The following BST1 variants were observed in gnomAD, a reference collection of about 807,000 sequenced individuals.
BST1 encodes ADP-ribosyl cyclase/cyclic ADP-ribose hydrolase 2.
A neutral mutation model predicts 40.6 loss-of-function variants in BST1; 49 were observed. The ratio of observed to expected loss-of-function variants is 1.21; its 90% CI spans 0.96 to 1.53. The LOEUF is 1.53. Ranked by LOEUF, BST1 falls within the 40% of genes most tolerant of loss-of-function variation. BST1 has a pLI of 0.00. For missense variants in BST1, 423 were observed against 395.9 expected (o/e 1.07, Z -0.58); for synonymous variants, 157 against 159.3 (o/e 0.99, Z 0.11).
At chr4:15,712,914 G>T (rs1720297517) in intron 4 of BST1, among the ~76,000 whole-genome samples, 1 of 152,138 alleles carries the variant, frequency 6.6e-6, no homozygotes, top group African/African-American at 2.4e-5. Flanking sequence ...TCTGAAAGTG[G>T]GATCAAACAG....
chr4:15,749,668 A>G, the BST1 span, among the ~76,000 whole-genome samples: 2 of 150,632 alleles, frequency 1.3e-5, no homozygotes, highest in Non-Finnish European at 2.9e-5. Flanking sequence ...ATGACAGCAA[A>G]GAGTACTTTT....
At chr4:15,754,260 A>G in the BST1 span, among the ~76,000 whole-genome samples, 1 of 152,232 alleles carries the variant, frequency 6.6e-6, no homozygotes, top group Non-Finnish European at 1.5e-5. Flanking sequence ...GGTGTTCTGC[A>G]GAACAATAGA....
chr4:15,765,826 C>T, the BST1 span, among the ~76,000 whole-genome samples: 3 of 151,960 alleles, frequency 2.0e-5, no homozygotes, highest in Admixed American at 2.0e-4. Flanking sequence ...CTGTTCCCTG[C>T]TGAGTTTGTT....
chr4:15,734,550 G>T (rs1340750494), downstream of BST1, among the ~76,000 whole-genome samples: 2 of 151,998 alleles, frequency 1.3e-5, no homozygotes, highest in Non-Finnish European at 2.9e-5. Context: ...TACATAGCAG[G>T]AAGGAAATGT....
At chr4:15,768,217 G>A in the BST1 span, among the ~76,000 whole-genome samples, 1 of 152,146 alleles carries the variant, frequency 6.6e-6, no homozygotes, top group Admixed American at 6.6e-5. Context: ...CTAGACTGTG[G>A]ATCTTCAGAT....
chr4:15,703,920 G>A (rs1719717085), intron 1 of BST1, among the ~76,000 whole-genome samples: 2 of 147,420 alleles, frequency 1.4e-5, no homozygotes, highest in African/African-American at 2.5e-5. Flanking sequence ...GAGGTGAGGG[G>A]TGTGTGTATT....
the BST1 span, among the ~76,000 whole-genome samples, chr4:15,768,120 A>G: frequency 2.0e-4 from 31 of 152,314 alleles, no homozygotes; most frequent in Admixed American, 4.6e-4. Flanking sequence ...CTGACCCCCA[A>G]TAATTGGTTA....
intron 8 of BST1, among the ~76,000 whole-genome samples, chr4:15,728,629 CCCTT>C (rs1207175340): frequency 6.8e-6 from 1 of 147,210 alleles, no homozygotes; most frequent in Non-Finnish European, 1.5e-5. Flanking sequence ...ATTTTCTTTT[CCCTT>C]CCTTCCTTCC....
At position 15,704,915 on chromosome 4, in the gene BST1, T is replaced by C. The variant is rs1719792985; in HGVS notation, c.189-600T>C. ...GCTGATCATTTTTATTGTCGCACAT[T>C]TCAGGCAAATAAGAAACAGCAGAGA... On this transcript the variant is annotated intron_variant, in intron 1 of 8. Transcript: ENST00000265016. The C allele has an allele frequency of 1.4e-5, 11 of 773,390 alleles. No individual in the cohort carries two copies. In the East Asian group the frequency reaches 2.7e-4, roughly 19 times the overall value. The allele number at this position is 773,390 out of a possible 1,614,324, so 47.9% of individuals were successfully genotyped here.
chr4:15,717,246 T>C (rs1720565233), intron 6 of BST1, among the ~76,000 whole-genome samples: 1 of 152,188 alleles, frequency 6.6e-6, no homozygotes, highest in Admixed American at 6.5e-5. Flanking sequence ...TTCAACACTG[T>C]GCTTTCTTCA....
At chr4:15,746,470 G>A in the BST1 span, among the ~76,000 whole-genome samples, 1 of 152,210 alleles carries the variant, frequency 6.6e-6, no homozygotes, top group East Asian at 1.9e-4. Context: ...GCCATTCCAT[G>A]GCAGAAGGCA....
chr4:15,725,435 C>T (rs901772779), intron 8 of BST1, among the ~76,000 whole-genome samples: 12 of 152,172 alleles, frequency 7.9e-5, no homozygotes, highest in African/African-American at 2.4e-4. Context: ...TGGCATGCAT[C>T]GTTTCTGAGT....
At chr4:15,723,022 T>C in intron 8 of BST1, 88 bp downstream of exon 8, 1 of 1,230,300 alleles carries the variant, frequency 8.1e-7, no homozygotes. Context: ...GAACATATTA[T>C]CAGAGGCAGA....
At chr4:15,703,717 G>GTGTGTGTGTGTGCTCTAGAGGTGGGT (rs1560274916) in intron 1 of BST1, among the ~76,000 whole-genome samples, 2 of 127,730 alleles carry the variant, frequency 1.6e-5, no homozygotes, top group Admixed American at 1.6e-4. Flanking sequence ...TAGAGGTGGG[G>GTGTGTGTGTGTGCTCTAGAGGTGGGT]GTGTGTGTGT....
the BST1 span, among the ~76,000 whole-genome samples, chr4:15,771,496 T>C: frequency 6.6e-6 from 1 of 152,250 alleles, no homozygotes; most frequent in Non-Finnish European, 1.5e-5. Context: ...GGCTATAGGG[T>C]TCCTTTAGGT....
downstream of BST1, among the ~76,000 whole-genome samples, chr4:15,740,532 G>A (rs1721718869): frequency 6.6e-6 from 1 of 152,106 alleles, no homozygotes; most frequent in Non-Finnish European, 1.5e-5. Context: ...GATGAGAGGT[G>A]AAGGTGTGAG....
chr4:15,753,990 G>A, the BST1 span, among the ~76,000 whole-genome samples: 2 of 152,196 alleles, frequency 1.3e-5, no homozygotes, highest in African/African-American at 4.8e-5. Flanking sequence ...CCGGACCTCA[G>A]TCACCTTCCT....
chr4:15,738,098 G>T, exon 7 of BST1: 1 of 231,950 alleles, frequency 4.3e-6, no homozygotes, highest in Non-Finnish European at 8.9e-6. Flanking sequence ...TGAACCCTCA[G>T]GTAAACTACA....
Position 15,705,879 on chromosome 4 carries a change from G to C in BST1, c.315+238G>C, listed in dbSNP as rs554140437. 3.3e-5 allele frequency among the ~76,000 whole-genome samples: 5 copies of C among 152,318 alleles called. No individual in the cohort carries two copies. The South Asian group carries it at 1.0e-3, about 32-fold the overall frequency. On this transcript the variant is annotated intron_variant, in intron 2 of 8. Coordinates refer to ENST00000265016, the MANE Select transcript of BST1 (RefSeq NM_004334.3). ...GACTGGGTAATTTACAAAGAAAAGAGGTTTAACTGGTTCACAGTTCCACAG... is the reference window on the plus strand; with the variant it reads ...GACTGGGTAATTTACAAAGAAAAGACGTTTAACTGGTTCACAGTTCCACAG...
Sources: allele counts gnomAD v4.1 joint callset (sites outside exome capture counted in the v4.1 genomes callset), GRCh38; gene constraint gnomAD v4.1.1; transcripts MANE v1.5; gene names NCBI Gene and HGNC (gene_info 2026-07-23, HGNC 2026-07-21).